The following MGAM variants were observed in gnomAD, a reference collection of about 807,000 sequenced individuals.
MGAM encodes alpha-1,4-glucosidase.
MGAM carries 253 observed loss-of-function variants against 358.8 expected under a neutral mutation model. That is an observed-to-expected ratio of 0.71 (90% CI 0.64 to 0.78). MGAM has a LOEUF of 0.78. Ranked by LOEUF, MGAM falls within the 30% of genes least tolerant of loss-of-function variation. MGAM has a pLI of 0.00. For missense variants in MGAM, 3,080 were observed against 3,432.6 expected, an observed-to-expected ratio of 0.90 and a Z score of 2.57; for synonymous variants, 1,105 against 1,227.1, an observed-to-expected ratio of 0.90 and a Z score of 2.08.
At chr7:142,016,620 T>C (rs1213318961) in intron 3 of MGAM, among the ~76,000 whole-genome samples, 2 of 152,158 alleles carry the variant, frequency 1.3e-5, no homozygotes, top group African/African-American at 4.8e-5. Context: ...TGAGATGGAG[T>C]GCCACTCTGT....
In MGAM at chr7:142,036,930, C is replaced by T. The variant is rs782186263; in HGVS notation, c.2184C>T (p.Phe728=). Reference sequence around the variant, plus strand: ...TGCCCTACCTATACACCCTCTTCTTCCGTGCTCACAGCCGAGGGGACACGG... The same window carrying T: ...TGCCCTACCTATACACCCTCTTCTTTCGTGCTCACAGCCGAGGGGACACGG... ...TLLPYLYTLF[F]RAHSRGDTVA... is the part of the protein sequence containing the mutation. Residue 728 remains phenylalanine, a synonymous_variant, in exon 18 of 71, where the codon TTC becomes TTT. Coordinates refer to ENST00000475668, the MANE Select transcript of MGAM (RefSeq NM_001365693.1). The T allele has an allele frequency of 1.2e-6, 2 of 1,613,754 alleles. No individual in the cohort carries two copies. Among genetic ancestry groups the T allele is most frequent in the Admixed American group, 1.7e-5 (1 of 60,012 alleles).
intron 4 of MGAM, among the ~76,000 whole-genome samples, chr7:142,019,818 C>T (rs1225949854): frequency 1.4e-4 from 22 of 152,172 alleles, no homozygotes; most frequent in Non-Finnish European, 1.9e-4. Flanking sequence ...CCTGTAATCA[C>T]AGCACTTTGG....
At chr7:142,055,414 T>C in intron 27 of MGAM, 144 bp from the exon 28 acceptor site, 1 of 984,232 alleles carries the variant, frequency 1.0e-6, no homozygotes, top group Non-Finnish European at 1.5e-6. Flanking sequence ...TGTGATATTT[T>C]AATCAAATTG....
intron 22 of MGAM, 87 bp downstream of exon 22, chr7:142,047,960 G>A (rs1380368218): frequency 6.5e-6 from 7 of 1,077,230 alleles, no homozygotes; most frequent in Admixed American, 4.0e-5. Context: ...TCAGCTGTGG[G>A]AGAAATCTCA....
chr7:142,060,888 T>C (rs1012929343), intron 34 of MGAM, among the ~76,000 whole-genome samples: 1 of 152,092 alleles, frequency 6.6e-6, no homozygotes, highest in African/African-American at 2.4e-5. Context: ...GCCCCACCAT[T>C]CCTTGGGTTT....
At chr7:142,052,222 A>G (rs1811049923) in intron 24 of MGAM, 72 bp from the exon 25 acceptor site, 8 of 1,341,718 alleles carry the variant, frequency 6.0e-6, no homozygotes, top group Non-Finnish European at 7.9e-6. Flanking sequence ...TTTTTATCGA[A>G]AAAAAAACCT....
upstream of MGAM, among the ~76,000 whole-genome samples, chr7:141,992,088 T>A (rs1483819556): frequency 1.3e-5 from 2 of 152,188 alleles, no homozygotes; most frequent in Non-Finnish European, 2.9e-5. Flanking sequence ...GGCCTTGGAT[T>A]GGGGATTCAG....
chr7:142,062,461 TGTC>T, intron 34 of MGAM, 104 bp from the exon 35 acceptor site: 1 of 1,420,560 alleles, frequency 7.0e-7, no homozygotes. Context: ...TCAGGCTGTC[TGTC>T]ACCATGCAGT....
At chr7:142,053,057 C>T (rs1475500338) in intron 26 of MGAM, 73 bp downstream of exon 26, 1 of 1,487,950 alleles carries the variant, frequency 6.7e-7, no homozygotes, top group Non-Finnish European at 9.3e-7. Flanking sequence ...GTCTGGATCA[C>T]AGAACCCTAA....
intron 4 of MGAM, among the ~76,000 whole-genome samples, chr7:142,019,972 G>T (rs1383527146): frequency 6.6e-6 from 1 of 152,066 alleles, no homozygotes; most frequent in Non-Finnish European, 1.5e-5. Context: ...AGGAGGCTGA[G>T]CCAGGAGAAT....
intron 3 of MGAM, among the ~76,000 whole-genome samples, chr7:142,009,216 A>G (rs1285724298): frequency 6.6e-6 from 1 of 152,152 alleles, no homozygotes; most frequent in African/African-American, 2.4e-5. Flanking sequence ...GGAAGGAAGA[A>G]GGTAATGAAT....
intron 21 of MGAM, 105 bp from the exon 22 acceptor site, chr7:142,047,680 G>A: frequency 9.6e-7 from 1 of 1,038,988 alleles, no homozygotes; most frequent in Non-Finnish European, 1.5e-6. Flanking sequence ...AGAACCATCT[G>A]CTGCTAGTAA....
intron 57 of MGAM, among the ~76,000 whole-genome samples, chr7:142,088,731 GTCTGTCTGTCTGTCTGTCTATCTATCTA>G: frequency 2.2e-5 from 2 of 89,002 alleles, no homozygotes; most frequent in African/African-American, 1.0e-4. Context: ...ATGTCTGTCT[GTCTGTCTGTCTGTCTGTCTATCTATCTA>G]TCTATCTATC....
rs1554465292 is a variant in MGAM, at chr7:142,034,840, T to C, written c.1958T>C (p.Met653Thr). Residue 653 changes from methionine (M) to threonine (T), a missense_variant and splice_region_variant, in exon 16 of 71, where the codon ATG (methionine) becomes ACG (threonine). By Grantham distance (81) the Met-to-Thr change is moderately conservative. Transcript: ENST00000475668. ...VLEFNLFGIP[M>T]VGPDICGFAL... Reference sequence around the variant, plus strand: ...GAGTTCAACCTTTTTGGCATCCCAATGGTGAGCTGCTACCTCAAGCTCTCT... The same window carrying C: ...GAGTTCAACCTTTTTGGCATCCCAACGGTGAGCTGCTACCTCAAGCTCTCT... 1 of 1,610,964 alleles carries C rather than the reference T, an allele frequency of 6.2e-7. No individual in the cohort carries two copies. The highest frequency in any genetic ancestry group is 8.5e-7 in the Non-Finnish European group (1 of 1,178,088).
At position 142,091,164 on chromosome 7, in the gene MGAM, G is replaced by A. The variant is rs529389509; in HGVS notation, c.6811-749G>A. On this transcript the variant is annotated intron_variant, in intron 57 of 70. Coordinates refer to ENST00000475668, the MANE Select transcript of MGAM (RefSeq NM_001365693.1). ...CAGGAGGCTGAGGCAAAAGAATCGCGAGAACCTGGAAGGCAGAGGTTTCAG... is the reference window on the plus strand; with the variant it reads ...CAGGAGGCTGAGGCAAAAGAATCGCAAGAACCTGGAAGGCAGAGGTTTCAG... Among the ~76,000 whole-genome samples, 54 of 142,784 alleles carry A rather than the reference G, an allele frequency of 3.8e-4. 1 individual carries two copies. The highest frequency in any genetic ancestry group is 1.3e-3 in the African/African-American group (51 of 40,452). The allele number at this position is 142,784 out of a possible 152,430, so 93.7% of individuals were successfully genotyped here.
chr7:141,995,799 G>T (rs1330691987), upstream of MGAM: 1 of 152,166 alleles, frequency 6.6e-6, no homozygotes, highest in Non-Finnish European at 1.5e-5. Context: ...GCATTTGAAA[G>T]CCATTAACAT....
At chr7:142,055,325 G>A (rs1324123156) in intron 27 of MGAM, among the ~76,000 whole-genome samples, 1 of 152,234 alleles carries the variant, frequency 6.6e-6, no homozygotes, top group South Asian at 2.1e-4. Context: ...TTTGTATTGT[G>A]GAGGACCACT....
intron 21 of MGAM, among the ~76,000 whole-genome samples, chr7:142,041,891 A>G (rs1808627740): frequency 6.7e-5 from 3 of 44,718 alleles, no homozygotes; most frequent in Non-Finnish European, 1.2e-4. Flanking sequence ...TACGTATAAT[A>G]TATAATATAT....
chr7:142,056,108 A>C lies in MGAM; in HGVS notation c.3580+12A>C. 6.3e-7 allele frequency: 1 copy of C among 1,591,440 alleles called. No individual in the cohort carries two copies. Among genetic ancestry groups the C allele is most frequent in the Non-Finnish European group, 8.6e-7 (1 of 1,168,020 alleles). On this transcript the variant is annotated intron_variant, in intron 29 of 70. Transcript: ENST00000475668. ...CAGCAATGCCATGGGTAAGGCCATC[A>C]GCACCTCCCTTATTTTGGGGGGATA...
Sources: gnomAD v4.1 joint callset for allele counts (sites outside exome capture counted in the v4.1 genomes callset) on GRCh38, gnomAD v4.1.1 for gene constraint, MANE v1.5 for transcripts, NCBI Gene and HGNC (gene_info 2026-07-23, HGNC 2026-07-21) for gene names.